The following SUGCT variants were observed in gnomAD, a reference collection of about 807,000 sequenced individuals.
SUGCT encodes the protein succinyl-CoA:glutarate-CoA transferase, also known as succinyl-CoA:glutarate CoA-transferase.
SUGCT carries 41 observed loss-of-function variants against 55.0 expected under a neutral mutation model. The ratio of observed to expected loss-of-function variants is 0.74; its 90% CI spans 0.58 to 0.97. The LOEUF is 0.97. SUGCT is among the 50% of genes least tolerant of loss of function. The probability of loss-of-function intolerance (pLI) is 0.00; values close to 1 mark genes in which losing one functional copy is unlikely to be tolerated. For synonymous variants in SUGCT, 187 were observed against 200.4 expected (o/e 0.93, Z 0.56); for missense variants, 568 against 547.8 (o/e 1.04, Z -0.37).
chr7:40,208,608 G>A (rs967880736), intron 6 of SUGCT, among the ~76,000 whole-genome samples: 1 of 151,084 alleles, frequency 6.6e-6, no homozygotes, highest in South Asian at 2.1e-4. Flanking sequence ...GCAGTGGTGC[G>A]ATCTCGGCTC....
chr7:40,234,399 C>T (rs1788892868), intron 6 of SUGCT, among the ~76,000 whole-genome samples: 1 of 152,188 alleles, frequency 6.6e-6, no homozygotes, highest in African/African-American at 2.4e-5. Flanking sequence ...CCCTCTACAG[C>T]AGCACACTAC....
At chr7:40,209,887 T>C (rs920666722) in intron 6 of SUGCT, among the ~76,000 whole-genome samples, 15 of 152,230 alleles carry the variant, frequency 9.9e-5, no homozygotes, top group African/African-American at 3.6e-4. Context: ...CAAGTTTTTC[T>C]AGGAAGGCAC....
chr7:41,013,429 C>T, the SUGCT span, among the ~76,000 whole-genome samples: 3 of 152,192 alleles, frequency 2.0e-5, no homozygotes, highest in African/African-American at 7.2e-5. Context: ...AAGAAGGGGA[C>T]AGTTGTGTCT....
chr7:40,187,438 TAA>T (rs879441778), intron 3 of SUGCT, among the ~76,000 whole-genome samples: 1 of 145,730 alleles, frequency 6.9e-6, no homozygotes, highest in African/African-American at 2.5e-5. Context: ...AGTATAATAA[TAA>T]AAAAAAAAAG....
intron 13 of SUGCT, among the ~76,000 whole-genome samples, chr7:40,831,132 C>A (rs558937540): frequency 6.6e-6 from 1 of 152,238 alleles, no homozygotes; most frequent in Admixed American, 6.5e-5. Context: ...CATGCCACGG[C>A]CTGTGCTTTC....
intron 9 of SUGCT, among the ~76,000 whole-genome samples, chr7:40,358,104 T>C (rs549184705): frequency 2.6e-5 from 4 of 152,206 alleles, no homozygotes; most frequent in Non-Finnish European, 5.9e-5. Flanking sequence ...TGGCACATAA[T>C]AAACCTAAAA....
At chr7:40,963,636 G>A in the SUGCT span, among the ~76,000 whole-genome samples, 1 of 152,090 alleles carries the variant, frequency 6.6e-6, no homozygotes, top group Non-Finnish European at 1.5e-5. Context: ...AATGGCAAAT[G>A]GCATTCTATG....
At chr7:40,606,546 C>T (rs1294745955) in intron 12 of SUGCT, among the ~76,000 whole-genome samples, 3 of 152,176 alleles carry the variant, frequency 2.0e-5, no homozygotes, top group African/African-American at 7.2e-5. Flanking sequence ...TTCCCTTTTA[C>T]TTAGGAGATT....
At chr7:40,622,528 G>GTT (rs370877783) in intron 12 of SUGCT, among the ~76,000 whole-genome samples, 854 of 81,702 alleles carry the variant, frequency 0.01, 15 homozygotes, top group East Asian at 0.029. Context: ...TGTTGTGGTT[G>GTT]TTTTTTTTTT....
chr7:40,155,855 A>ATT (rs1369761947), intron 1 of SUGCT, among the ~76,000 whole-genome samples: 26 of 132,500 alleles, frequency 2.0e-4, no homozygotes, highest in African/African-American at 3.7e-4. Context: ...GATACCTAAG[A>ATT]TTTTTTTTTT....
At chr7:40,875,560 A>G in the SUGCT span, among the ~76,000 whole-genome samples, 1 of 152,240 alleles carries the variant, frequency 6.6e-6, no homozygotes. Context: ...GACAGCCACT[A>G]GAAATCAACC....
At chr7:40,941,331 C>A in the SUGCT span, among the ~76,000 whole-genome samples, 1 of 151,978 alleles carries the variant, frequency 6.6e-6, no homozygotes, top group Non-Finnish European at 1.5e-5. Context: ...TCATTGTCAA[C>A]CCCAAAATCA....
intron 8 of SUGCT, among the ~76,000 whole-genome samples, chr7:40,289,825 A>G (rs886450312): frequency 7.9e-5 from 12 of 152,206 alleles, no homozygotes; most frequent in African/African-American, 2.9e-4. Context: ...TACAAAATCA[A>G]TGTACAAAAA....
At chr7:40,641,806 G>A (rs2151825721) in intron 12 of SUGCT, among the ~76,000 whole-genome samples, 1 of 152,302 alleles carries the variant, frequency 6.6e-6, no homozygotes, top group Non-Finnish European at 1.5e-5. Context: ...GAAAGGCTCA[G>A]TTTCAAAGGC....
At chr7:40,469,059 A>AT (rs1435040550) in intron 11 of SUGCT, among the ~76,000 whole-genome samples, 3 of 152,166 alleles carry the variant, frequency 2.0e-5, no homozygotes, top group Admixed American at 6.5e-5. Flanking sequence ...CCACTCTCCC[A>AT]TATCTACATG....
At chr7:40,310,501 T>C (rs1188684954) in intron 8 of SUGCT, among the ~76,000 whole-genome samples, 5 of 152,164 alleles carry the variant, frequency 3.3e-5, no homozygotes, top group Admixed American at 6.5e-5. Flanking sequence ...GGGTTTTAGT[T>C]AATAATGTGT....
the SUGCT span, among the ~76,000 whole-genome samples, chr7:40,949,646 G>A: frequency 0.33 from 50,598 of 152,044 alleles, 9,147 homozygotes; most frequent in Admixed American, 0.45. Flanking sequence ...GTGTAAGGAA[G>A]GGATCCAGTT....
At chr7:40,318,904 A>T (rs189204504) in intron 9 of SUGCT, among the ~76,000 whole-genome samples, 21 of 152,366 alleles carry the variant, frequency 1.4e-4, no homozygotes, top group Admixed American at 1.2e-3. Flanking sequence ...AAAAAGCTTT[A>T]TATAGACCTC....
chr7:40,670,441 A>G (rs1181029797), intron 12 of SUGCT, among the ~76,000 whole-genome samples: 1 of 152,164 alleles, frequency 6.6e-6, no homozygotes, highest in Non-Finnish European at 1.5e-5. Flanking sequence ...AGGAGAAAGA[A>G]CGTACTAATG....
Sources: gnomAD v4.1 joint callset for allele counts (sites outside exome capture counted in the v4.1 genomes callset) on GRCh38, gnomAD v4.1.1 for gene constraint, MANE v1.5 for transcripts, NCBI Gene and HGNC (gene_info 2026-07-23, HGNC 2026-07-21) for gene names.